FBRSL1: variants seen among roughly 807,000 people sequenced by gnomAD.
The protein encoded by FBRSL1 is fibrosin like 1.
A neutral mutation model predicts 89.6 loss-of-function variants in FBRSL1; 51 were observed. The ratio of observed to expected loss-of-function variants is 0.57; its 90% CI spans 0.45 to 0.72. The LOEUF (loss-of-function observed/expected upper bound fraction) is 0.72, where lower values mean the gene tolerates loss of function less well. FBRSL1 is among the 30% of genes least tolerant of loss of function. FBRSL1 has a pLI of 0.00. For missense variants in FBRSL1, 1,618 were observed against 1,451.8 expected (o/e 1.11, Z -1.86); for synonymous variants, 779 against 681.1 (o/e 1.14, Z -2.24).
At chr12:132,517,173 A>G (rs189226199) in intron 2 of FBRSL1, among the ~76,000 whole-genome samples, 2 of 152,044 alleles carry the variant, frequency 1.3e-5, no homozygotes, top group Admixed American at 1.3e-4. Flanking sequence ...TGCAGGGAGC[A>G]GCAGGCTGGG....
chr12:132,532,431 T>C (rs1244769242), intron 4 of FBRSL1, among the ~76,000 whole-genome samples: 1 of 152,058 alleles, frequency 6.6e-6, no homozygotes, highest in Non-Finnish European at 1.5e-5. Context: ...AGAAGAGCCA[T>C]CTGCCTGGCT....
chr12:132,560,305 C>G (rs1018754812), intron 5 of FBRSL1: 1 of 151,996 alleles, frequency 6.6e-6, no homozygotes, highest in Non-Finnish European at 1.5e-5. Context: ...GACCGCCCCC[C>G]CAGAAGAGCG....
At chr12:132,524,998 G>A (rs182069077) in intron 2 of FBRSL1, among the ~76,000 whole-genome samples, 3 of 151,856 alleles carry the variant, frequency 2.0e-5, no homozygotes, top group East Asian at 3.9e-4. Context: ...TGTGCAAAGC[G>A]CCCGGGCCAG....
chr12:132,520,895 G>A (rs1054791435), intron 2 of FBRSL1, among the ~76,000 whole-genome samples: 13 of 152,226 alleles, frequency 8.5e-5, no homozygotes, highest in African/African-American at 3.1e-4. Flanking sequence ...GGACGGCTTT[G>A]TGGGCTCCCA....
intron 4 of FBRSL1, among the ~76,000 whole-genome samples, chr12:132,533,389 A>C (rs1406570635): frequency 2.3e-5 from 3 of 132,160 alleles, no homozygotes; most frequent in African/African-American, 8.7e-5. Flanking sequence ...CTCTCCCTGG[A>C]GTCAGAGAGC....
intron 7 of FBRSL1, 44 bp downstream of exon 7, chr12:132,570,285 G>A (rs1316800452): frequency 1.3e-6 from 2 of 1,511,226 alleles, no homozygotes; most frequent in Non-Finnish European, 1.8e-6. Context: ...TCTCAGGATG[G>A]GGGCTCTGCA....
At chr12:132,536,337 G>A (rs530693835) in intron 4 of FBRSL1, among the ~76,000 whole-genome samples, 77 of 151,182 alleles carry the variant, frequency 5.1e-4, no homozygotes, top group African/African-American at 1.4e-3. Flanking sequence ...TGGTGTGTGT[G>A]CCACGTGTAC....
At chr12:132,578,988 C>T (rs1041705407) in intron 15 of FBRSL1, among the ~76,000 whole-genome samples, 5 of 152,242 alleles carry the variant, frequency 3.3e-5, no homozygotes, top group African/African-American at 1.2e-4. Context: ...GACACGTGCT[C>T]AGTGTGGCGC....
At chr12:132,514,311 A>C (rs2034637394) in intron 2 of FBRSL1, among the ~76,000 whole-genome samples, 1 of 152,172 alleles carries the variant, frequency 6.6e-6, no homozygotes, top group Non-Finnish European at 1.5e-5. Flanking sequence ...CCAGAAGTCC[A>C]GGGGGAGTCC....
intron 1 of FBRSL1, among the ~76,000 whole-genome samples, chr12:132,498,981 C>CA: frequency 6.6e-6 from 1 of 152,370 alleles, no homozygotes. Flanking sequence ...CCTCTGCTCT[C>CA]ACCACGGCAG....
chr12:132,571,200 C>T lies in FBRSL1; in HGVS notation c.1346C>T (p.Pro449Leu). ...GGCCCGCACGTGGCGAGCGGCCACCCCGGCTTGGCCTGCCGACCCCGGGAG... is the reference window on the plus strand; with the variant it reads ...GGCCCGCACGTGGCGAGCGGCCACCTCGGCTTGGCCTGCCGACCCCGGGAG... The part of the protein sequence containing the change: ...PLGPHVASGH[P>L]GLACRPRECQ... Residue 449 changes from proline to leucine, a missense_variant, in exon 9 of 19, where the codon CCC becomes CTC. By Grantham distance (98) the Pro-to-Leu change is moderately conservative. Coordinates refer to ENST00000680143, the MANE Select transcript of FBRSL1 (RefSeq NM_001367871.1). 3 of 1,438,092 alleles carry T rather than the reference C, an allele frequency of 2.1e-6. No homozygotes were observed. Among genetic ancestry groups the T allele is most frequent in the Non-Finnish European group, 2.7e-6 (3 of 1,092,292 alleles). The allele number at this position is 1,438,092 out of a possible 1,614,324, so 89.1% of individuals were successfully genotyped here.
At chr12:132,550,401 G>A (rs1262230404) in intron 5 of FBRSL1, among the ~76,000 whole-genome samples, 1 of 152,192 alleles carries the variant, frequency 6.6e-6, no homozygotes, top group Non-Finnish European at 1.5e-5. Flanking sequence ...TCTGAGCGCC[G>A]GCGCACAAAG....
chr12:132,550,138 G>T (rs1007390742), intron 5 of FBRSL1, among the ~76,000 whole-genome samples: 3 of 150,448 alleles, frequency 2.0e-5, no homozygotes, highest in Non-Finnish European at 4.4e-5. Flanking sequence ...TTGGCATTCC[G>T]TGCCGTTGGG....
At chr12:132,540,845 C>G (rs552544623) in intron 4 of FBRSL1, among the ~76,000 whole-genome samples, 2 of 152,356 alleles carry the variant, frequency 1.3e-5, no homozygotes, top group South Asian at 4.1e-4. Context: ...ATCCCCAGCT[C>G]TGAGTCCTGG....
intron 4 of FBRSL1, among the ~76,000 whole-genome samples, chr12:132,531,541 CTGTG>C (rs997871579): frequency 3.6e-5 from 5 of 140,146 alleles, no homozygotes; most frequent in African/African-American, 1.3e-4. Flanking sequence ...CTCTGGGCCT[CTGTG>C]TGTGCGTGTG....
At position 132,508,319 on chromosome 12, in the gene FBRSL1, C is replaced by T. The variant is rs764604501; in HGVS notation, c.458C>T (p.Ala153Val). The T allele has an allele frequency of 3.4e-5, 53 of 1,542,256 alleles. No homozygotes were observed. Among genetic ancestry groups the T allele is most frequent in the Admixed American group, 1.0e-4 (5 of 49,894 alleles). The change falls in exon 2 of 19, where the codon GCG becomes GTG. Residue 153 changes from alanine to valine, a missense_variant. Ala to Val is a moderately conservative substitution (Grantham distance 64). Coordinates refer to ENST00000680143, the MANE Select transcript of FBRSL1 (RefSeq NM_001367871.1). ...GACCTCGAACCCGCCTGCGATGGGG[C>T]GAGAAAGGTCCCACTGCAGCCCTCC... is the stretch of plus-strand genomic sequence containing the variant. ...GQDLEPACDG[A>V]RKVPLQPSKQ... is the part of the protein sequence containing the mutation.
chr12:132,503,439 G>A (rs1377953651), intron 1 of FBRSL1, among the ~76,000 whole-genome samples: 1 of 152,270 alleles, frequency 6.6e-6, no homozygotes, highest in East Asian at 1.9e-4. Flanking sequence ...CGGCCAAGGC[G>A]ACATTGGACA....
At chr12:132,508,060 G>T in intron 1 of FBRSL1, 93 bp from the exon 2 acceptor site, 1 of 1,285,908 alleles carries the variant, frequency 7.8e-7, no homozygotes, top group East Asian at 2.6e-5. Flanking sequence ...AAGTGGGGAG[G>T]CTCCTTCCCA....
intron 8 of FBRSL1, 122 bp from the exon 9 acceptor site, chr12:132,570,946 G>A (rs776149585): frequency 3.1e-6 from 2 of 650,790 alleles, no homozygotes; most frequent in South Asian, 6.8e-5. Flanking sequence ...CTGAGGCTCC[G>A]AGTCAGCCCG....
Sources: gnomAD v4.1 joint callset for allele counts (sites outside exome capture counted in the v4.1 genomes callset) on GRCh38, gnomAD v4.1.1 for gene constraint, MANE v1.5 for transcripts, NCBI Gene and HGNC (gene_info 2026-07-23, HGNC 2026-07-21) for gene names.